Variants in CCDC150 observed in about 807,000 individuals in gnomAD.
CCDC150 encodes coiled-coil domain-containing protein 150.
A neutral mutation model predicts 156.5 loss-of-function variants in CCDC150; 151 were observed. The observed-to-expected ratio is 0.97, with a 90% CI of 0.85 to 1.10. CCDC150 has a LOEUF of 1.10. CCDC150 is among the 50% of genes least tolerant of loss of function. The pLI is 0.00. For missense variants in CCDC150, 1,312 were observed against 1,268.1 expected, an observed-to-expected ratio of 1.03 and a Z score of -0.53; for synonymous variants, 452 against 429.4, an observed-to-expected ratio of 1.05 and a Z score of -0.65.
chr2:196,640,420 T>C (rs1489895773), intron 1 of CCDC150, among the ~76,000 whole-genome samples: 1 of 152,220 alleles, frequency 6.6e-6, no homozygotes, highest in Non-Finnish European at 1.5e-5. Context: ...GACTAGGTCC[T>C]TTAATCCTTT....
At position 196,676,554 on chromosome 2, in the gene CCDC150, G is replaced by C; in HGVS notation, c.1263G>C (p.Leu421=). 1.9e-6 allele frequency: 3 copies of C among 1,609,776 alleles called. No individual in the cohort carries two copies. Among genetic ancestry groups the C allele is most frequent in the Non-Finnish European group, 2.5e-6 (3 of 1,177,814 alleles). ...ATATGTTCTTGATCTCTTCCTGCAG[G>C]GATCATTTAATCCTTGAGCATAACC... ...QNEKTQLQAH[L]DHLILEHNQC... is the part of the protein sequence containing the mutation. The change falls in exon 12 of 28, where the codon CTG becomes CTC. Residue 421 remains leucine, a splice_region_variant and synonymous_variant. Coordinates refer to ENST00000389175, the MANE Select transcript of CCDC150 (RefSeq NM_001080539.2).
chr2:196,690,372 T>G (rs1264923671), intron 13 of CCDC150, among the ~76,000 whole-genome samples: 1 of 152,120 alleles, frequency 6.6e-6, no homozygotes, highest in Non-Finnish European at 1.5e-5. Flanking sequence ...CCCTAAAACT[T>G]AAAGTATAAT....
intron 1 of CCDC150, among the ~76,000 whole-genome samples, chr2:196,641,580 A>G (rs772611203): frequency 1.8e-4 from 28 of 152,138 alleles, no homozygotes; most frequent in Admixed American, 7.2e-4. Context: ...TATCACCAAT[A>G]AACAAACTAT....
chr2:196,724,881 A>G (rs1354091236), intron 21 of CCDC150, among the ~76,000 whole-genome samples: 1 of 152,194 alleles, frequency 6.6e-6, no homozygotes, highest in Non-Finnish European at 1.5e-5. Flanking sequence ...AATTATATCC[A>G]ATGACTTCAG....
intron 20 of CCDC150, among the ~76,000 whole-genome samples, 169 bp from the exon 21 acceptor site, chr2:196,721,353 C>CATATATATATATATAT (rs1199770615): frequency 7.5e-6 from 1 of 133,112 alleles, no homozygotes; most frequent in Admixed American, 8.1e-5. Context: ...TATGTGTGTG[C>CATATATATATATATAT]ATATATATAT....
chr2:196,687,618 C>T (rs144914554), intron 13 of CCDC150, among the ~76,000 whole-genome samples: 1,773 of 152,242 alleles, frequency 0.012, 38 homozygotes, highest in African/African-American at 0.041. Flanking sequence ...TCCCATTTGT[C>T]AATTTTTGCT....
chr2:196,718,444 A>G (rs1697669336), intron 17 of CCDC150, 59 bp from the exon 18 acceptor site: 9 of 1,368,444 alleles, frequency 6.6e-6, no homozygotes, highest in South Asian at 1.5e-5. Context: ...CTAAATTTCT[A>G]TGTCTTATTC....
chr2:196,639,721 A>T lies in CCDC150; in HGVS notation c.-46A>T, dbSNP rs746567217. On this transcript the variant is annotated 5_prime_UTR_variant, in exon 1 of 28. Coordinates refer to ENST00000389175, the MANE Select transcript of CCDC150 (RefSeq NM_001080539.2). ...TGGTTTAAAATGCTGTGTTAGTTCCACGGAAACCCGCTCGCCTGCTGCAGT... is the reference window on the plus strand; with the variant it reads ...TGGTTTAAAATGCTGTGTTAGTTCCTCGGAAACCCGCTCGCCTGCTGCAGT... The T allele has an allele frequency of 4.0e-6, 6 of 1,515,256 alleles. No homozygotes were observed. In the African/African-American group the frequency reaches 5.6e-5, roughly 14 times the overall value. The allele number at this position is 1,515,256 out of a possible 1,614,324, so 93.9% of individuals were successfully genotyped here. A position where few individuals can be genotyped will look rare whatever the true frequency, so the allele number is the denominator to read the frequency against.
intron 13 of CCDC150, among the ~76,000 whole-genome samples, chr2:196,682,839 A>G (rs201567955): frequency 6.6e-6 from 1 of 152,100 alleles, no homozygotes; most frequent in East Asian, 1.9e-4. Context: ...TATCTCTATA[A>G]ACTATATCTC....
chr2:196,641,118 A>G (rs570180519), intron 1 of CCDC150, among the ~76,000 whole-genome samples: 69 of 150,596 alleles, frequency 4.6e-4, no homozygotes, highest in African/African-American at 1.5e-3. Context: ...GCACGCCACC[A>G]CGCCCGGCTA....
At chr2:196,682,549 T>C (rs1419156406) in intron 13 of CCDC150, among the ~76,000 whole-genome samples, 2 of 152,112 alleles carry the variant, frequency 1.3e-5, no homozygotes, top group East Asian at 3.8e-4. Flanking sequence ...GTAGATCAAT[T>C]TGAAGAGTAT....
chr2:196,720,919 CATTT>C (rs1007900952), intron 20 of CCDC150, among the ~76,000 whole-genome samples: 1 of 152,122 alleles, frequency 6.6e-6, no homozygotes, highest in Admixed American at 6.5e-5. Context: ...CATTTTTATT[CATTT>C]ATTAATGCAC....
At chr2:196,669,940 C>A in intron 8 of CCDC150, 64 bp downstream of exon 8, 1 of 1,230,918 alleles carries the variant, frequency 8.1e-7, no homozygotes, top group Non-Finnish European at 1.2e-6. Context: ...CCTATTTCCT[C>A]TTCCATGTTG....
At chr2:196,706,576 T>G (rs1319615103) in intron 15 of CCDC150, among the ~76,000 whole-genome samples, 2 of 152,246 alleles carry the variant, frequency 1.3e-5, no homozygotes, top group African/African-American at 4.8e-5. Context: ...AGAGAGGGCA[T>G]CCCTGTCTTG....
Position 196,658,784 on chromosome 2 carries a change from A to C in CCDC150, c.577-8A>C. ...ATTATTTAGAATCTTTTCTCCTTCT[A>C]CTTTTAGAAGAATGCAGCCATTATT... is the stretch of plus-strand genomic sequence containing the variant. On this transcript the variant is annotated splice_region_variant and splice_polypyrimidine_tract_variant and intron_variant, in intron 4 of 27. Transcript: ENST00000389175. 1.3e-6 allele frequency: 2 copies of C among 1,586,946 alleles called. No individual in the cohort carries two copies. Among genetic ancestry groups the C allele is most frequent in the Non-Finnish European group, 8.6e-7 (1 of 1,161,388 alleles).
chr2:196,711,631 T>A (rs1372349908), intron 15 of CCDC150, among the ~76,000 whole-genome samples: 2 of 152,194 alleles, frequency 1.3e-5, no homozygotes, highest in Non-Finnish European at 1.5e-5. Context: ...AGTTTTAAAA[T>A]ATAATTCAAC....
At chr2:196,695,735 C>T (rs1204844239) in intron 14 of CCDC150, among the ~76,000 whole-genome samples, 1 of 147,688 alleles carries the variant, frequency 6.8e-6, no homozygotes, top group Non-Finnish European at 1.5e-5. Context: ...TCCAGCTACT[C>T]GGGAGGCGGA....
chr2:196,731,941 T>C, intron 26 of CCDC150, 92 bp from the exon 27 acceptor site: 1 of 1,292,324 alleles, frequency 7.7e-7, no homozygotes, highest in South Asian at 1.4e-5. Flanking sequence ...TTGGGTCTTT[T>C]AATTTCTAAG....
intron 18 of CCDC150, 114 bp downstream of exon 18, chr2:196,718,745 G>A (rs946302278): frequency 1.1e-5 from 15 of 1,322,788 alleles, no homozygotes; most frequent in African/African-American, 4.4e-5. Flanking sequence ...TTGATCAGGG[G>A]AGGATTTCTT....
Sources: gnomAD v4.1 joint callset for allele counts (sites outside exome capture counted in the v4.1 genomes callset) on GRCh38, gnomAD v4.1.1 for gene constraint, MANE v1.5 for transcripts, NCBI Gene and HGNC (gene_info 2026-07-23, HGNC 2026-07-21) for gene names.